The following STARD3NL variants were observed in gnomAD, a reference collection of about 807,000 sequenced individuals.
STARD3NL encodes STARD3 N-terminal like.
STARD3NL carries 17 observed loss-of-function variants against 30.9 expected under a neutral mutation model. The ratio of observed to expected loss-of-function variants is 0.55; its 90% confidence interval spans 0.38 to 0.82. The LOEUF (loss-of-function observed/expected upper bound fraction) is 0.82, where lower values mean the gene tolerates loss of function less well. Ranked by LOEUF, STARD3NL falls within the 40% of genes least tolerant of loss-of-function variation. The pLI is 0.00. For missense variants in STARD3NL, 234 were observed against 277.6 expected (o/e 0.84, Z 1.12); for synonymous variants, 112 against 100.5 (o/e 1.11, Z -0.69).
At chr7:38,203,685 A>G (rs910961317) in intron 1 of STARD3NL, among the ~76,000 whole-genome samples, 3 of 152,234 alleles carry the variant, frequency 2.0e-5, no homozygotes, top group African/African-American at 7.2e-5. Context: ...CAGACTGGCA[A>G]ATTGGATAAA....
At position 38,212,281 on chromosome 7, in the gene STARD3NL, G is replaced by A. The variant is rs571666336; in HGVS notation, c.226-2076G>A. Among the ~76,000 whole-genome samples the A allele has an allele frequency of 2.0e-5, 3 of 152,218 alleles. No homozygotes were observed. The South Asian group carries it at 6.2e-4, about 32-fold the overall frequency. ...TGGCTCACGGTAGATGAGCACACTT[G>A]CCTTCTTCTGTTCTCAGAAAGGAAT... On this transcript the variant is annotated intron_variant, in intron 2 of 8. Coordinates refer to ENST00000009041, the MANE Select transcript of STARD3NL (RefSeq NM_032016.4).
At chr7:38,204,730 G>A (rs1366971458) in intron 1 of STARD3NL, among the ~76,000 whole-genome samples, 1 of 152,126 alleles carries the variant, frequency 6.6e-6, no homozygotes, top group Middle Eastern at 3.2e-3. Context: ...AAAATTGATA[G>A]ACCGCTAGCA....
intron 7 of STARD3NL, among the ~76,000 whole-genome samples, chr7:38,224,448 A>G (rs1356645081): frequency 6.6e-6 from 1 of 152,210 alleles, no homozygotes; most frequent in Non-Finnish European, 1.5e-5. Context: ...TTTCTTATCC[A>G]CAGTTTCACT....
intron 1 of STARD3NL, among the ~76,000 whole-genome samples, chr7:38,204,222 C>T (rs1056178889): frequency 3.3e-5 from 5 of 152,148 alleles, no homozygotes; most frequent in African/African-American, 9.7e-5. Flanking sequence ...CAAAATTGAC[C>T]ACATAGTTGG....
At chr7:38,199,876 A>G (rs921271530) in intron 1 of STARD3NL, among the ~76,000 whole-genome samples, 1 of 152,216 alleles carries the variant, frequency 6.6e-6, no homozygotes, top group Admixed American at 6.5e-5. Flanking sequence ...CCAAAAATTT[A>G]TAACTTGATT....
intron 1 of STARD3NL, among the ~76,000 whole-genome samples, chr7:38,206,661 C>G (rs1785503552): frequency 6.6e-6 from 1 of 152,110 alleles, no homozygotes; most frequent in African/African-American, 2.4e-5. Context: ...AAGAAGAGGC[C>G]TAGAAACATG....
chr7:38,184,943 T>G lies in STARD3NL; in HGVS notation c.-59+6523T>G, dbSNP rs902633072. Among the ~76,000 whole-genome samples, 7 of 151,868 alleles carry G rather than the reference T, an allele frequency of 4.6e-5. No homozygotes were observed. In the East Asian group the frequency reaches 1.2e-3, roughly 25 times the overall value. On this transcript the variant is annotated intron_variant, in intron 1 of 8. Coordinates refer to ENST00000009041, the MANE Select transcript of STARD3NL (RefSeq NM_032016.4). ...CAAGAATGCTGCTAGTTTCAAACTT[T>G]TATTGAGAACTTTATGAAATTAAAG...
intron 1 of STARD3NL, among the ~76,000 whole-genome samples, chr7:38,195,811 T>C (rs1042004179): frequency 6.6e-6 from 1 of 152,218 alleles, no homozygotes; most frequent in African/African-American, 2.4e-5. Flanking sequence ...CTGAATGATA[T>C]CTCTAGAAGT....
chr7:38,205,946 T>C (rs762514001), intron 1 of STARD3NL, among the ~76,000 whole-genome samples: 26 of 152,228 alleles, frequency 1.7e-4, no homozygotes, highest in Non-Finnish European at 2.9e-4. Context: ...GATTTAGGGT[T>C]ACAAGATCAG....
intron 3 of STARD3NL, among the ~76,000 whole-genome samples, chr7:38,214,649 AG>A (rs1295752244): frequency 6.6e-6 from 1 of 152,208 alleles, no homozygotes; most frequent in Non-Finnish European, 1.5e-5. Flanking sequence ...ATGACAGATA[AG>A]GGAGGGCAAC....
chr7:38,217,177 G>A lies in STARD3NL; in HGVS notation c.436-11G>A, dbSNP rs1348017804. The A allele has an allele frequency of 1.7e-5, 27 of 1,613,804 alleles. No individual in the cohort carries two copies. Among genetic ancestry groups the A allele is most frequent in the East Asian group, 8.9e-5 (4 of 44,874 alleles). The stretch of plus-strand genomic sequence containing the variant: ...GTAACTGCATTTCCCTTTCCTGGTC[G>A]TATTTTCCAGCTTTTCTCTCAAGGG... On this transcript the variant is annotated splice_polypyrimidine_tract_variant and intron_variant, in intron 5 of 8. Transcript: ENST00000009041.
At chr7:38,178,761 G>C (rs1784124176) in intron 1 of STARD3NL, among the ~76,000 whole-genome samples, 1 of 152,158 alleles carries the variant, frequency 6.6e-6, no homozygotes, top group African/African-American at 2.4e-5. Context: ...CTGGCGCCAT[G>C]GGCCCCCAAG....
chr7:38,214,702 C>T (rs984580518), intron 3 of STARD3NL, among the ~76,000 whole-genome samples: 1 of 152,286 alleles, frequency 6.6e-6, no homozygotes, highest in Non-Finnish European at 1.5e-5. Context: ...AGCCTTTATT[C>T]TTTCAAATGG....
At chr7:38,207,876 CCTTT>C in intron 2 of STARD3NL, 147 bp downstream of exon 2, 1 of 744,932 alleles carries the variant, frequency 1.3e-6, no homozygotes, top group South Asian at 1.9e-5. Context: ...CTGATTTGGA[CCTTT>C]CTTGTTCTTT....
chr7:38,195,382 G>C (rs914858640), intron 1 of STARD3NL, among the ~76,000 whole-genome samples: 1 of 152,122 alleles, frequency 6.6e-6, no homozygotes, highest in Admixed American at 6.6e-5. Context: ...AAAAATCCCA[G>C]TGTTAGCCAT....
intron 8 of STARD3NL, among the ~76,000 whole-genome samples, chr7:38,229,471 A>G (rs530415174): frequency 1.3e-5 from 2 of 152,374 alleles, no homozygotes; most frequent in East Asian, 3.9e-4. Flanking sequence ...CCTTTAAGTC[A>G]TCAAAGAAAA....
At chr7:38,205,987 C>T (rs190106231) in intron 1 of STARD3NL, among the ~76,000 whole-genome samples, 1 of 152,250 alleles carries the variant, frequency 6.6e-6, no homozygotes, top group African/African-American at 2.4e-5. Flanking sequence ...TATCTTATTT[C>T]ACATAATCAA....
At chr7:38,178,864 CAA>C (rs796132304) in intron 1 of STARD3NL, among the ~76,000 whole-genome samples, 4 of 142,202 alleles carry the variant, frequency 2.8e-5, no homozygotes, top group Non-Finnish European at 3.1e-5. Flanking sequence ...AAGTCGTGTT[CAA>C]AAAAAAAAAA....
At position 38,221,129 on chromosome 7, in the gene STARD3NL, G is replaced by A. The variant is rs543930009; in HGVS notation, c.649+1469G>A. On this transcript the variant is annotated intron_variant, in intron 7 of 8. Transcript: ENST00000009041. Reference sequence around the variant, plus strand: ...GAATGGTGATGATGGCTGCACAACAGCATAGATGAACTGAATGCACTGGAT... The same window carrying A: ...GAATGGTGATGATGGCTGCACAACAACATAGATGAACTGAATGCACTGGAT... 1.0e-3 allele frequency among the ~76,000 whole-genome samples: 158 copies of A among 152,294 alleles called. 1 individual carries two copies. The highest frequency in any genetic ancestry group is 3.6e-3 in the African/African-American group (149 of 41,574).
Sources: gnomAD v4.1 joint callset for allele counts (sites outside exome capture counted in the v4.1 genomes callset) on GRCh38, gnomAD v4.1.1 for gene constraint, MANE v1.5 for transcripts, NCBI Gene and HGNC (gene_info 2026-07-23, HGNC 2026-07-21) for gene names.